CAPZA1: variants seen among roughly 807,000 people sequenced by gnomAD.
CAPZA1 encodes F-actin-capping protein subunit alpha-1.
CAPZA1 carries 10 observed loss-of-function variants against 40.8 expected under a neutral mutation model. The observed-to-expected ratio is 0.25, with a 90% CI of 0.15 to 0.42. CAPZA1 has a LOEUF of 0.42. Among genes scored for constraint, CAPZA1 ranks in the 10% least tolerant of loss-of-function variants. CAPZA1 has a pLI of 1.00. For missense variants in CAPZA1, 277 were observed against 353.8 expected, an observed-to-expected ratio of 0.78 and a Z score of 1.74; for synonymous variants, 98 against 115.0, an observed-to-expected ratio of 0.85 and a Z score of 0.95.
intron 1 of CAPZA1, among the ~76,000 whole-genome samples, chr1:112,642,818 G>A (rs570338577): frequency 4.6e-5 from 7 of 151,988 alleles, no homozygotes; most frequent in East Asian, 2.0e-4. Flanking sequence ...GTGGGACTTC[G>A]GGAATATTAG....
chr1:112,624,692 C>T (rs1380624256), intron 1 of CAPZA1, among the ~76,000 whole-genome samples: 3 of 149,032 alleles, frequency 2.0e-5, no homozygotes, highest in East Asian at 2.0e-4. Flanking sequence ...CTTTCCCTTT[C>T]GTGCTTCTAG....
chr1:112,632,534 C>G (rs1438300692), intron 1 of CAPZA1, among the ~76,000 whole-genome samples: 1 of 151,928 alleles, frequency 6.6e-6, no homozygotes, highest in African/African-American at 2.4e-5. Context: ...CTTGCTAAAA[C>G]TGGGCTAGGC....
intron 3 of CAPZA1, among the ~76,000 whole-genome samples, chr1:112,651,276 A>C (rs762488952): frequency 9.2e-5 from 14 of 152,214 alleles, no homozygotes; most frequent in Non-Finnish European, 1.9e-4. Flanking sequence ...ATTCTGACAG[A>C]GATAGGAAGT....
chr1:112,645,632 T>G (rs1671264132), intron 1 of CAPZA1, among the ~76,000 whole-genome samples: 1 of 151,506 alleles, frequency 6.6e-6, no homozygotes, highest in Non-Finnish European at 1.5e-5. Context: ...AGACCCTGTC[T>G]CTGAGAAAAA....
chr1:112,621,812 T>C (rs1203685390), intron 1 of CAPZA1, among the ~76,000 whole-genome samples: 1 of 140,032 alleles, frequency 7.1e-6, no homozygotes, highest in Non-Finnish European at 1.5e-5. Flanking sequence ...CCCGGGGTGG[T>C]GTGCAGTGGT....
intron 7 of CAPZA1, 70 bp from the exon 8 acceptor site, chr1:112,667,004 G>T: frequency 9.5e-7 from 1 of 1,049,126 alleles, no homozygotes; most frequent in Non-Finnish European, 1.4e-6. Flanking sequence ...TTAAAGCATG[G>T]ATTTGTGTCC....
At position 112,619,832 on chromosome 1, in the gene CAPZA1, A is replaced by G. The variant is rs371309950; in HGVS notation, c.-13A>G. ...CTCGCGCCCGTAGCCGGGCTGGGCC[A>G]GAACAGCCCAAGATGGCCGACTTCG... On this transcript the variant is annotated 5_prime_UTR_variant, in exon 1 of 10. Coordinates refer to ENST00000263168, the MANE Select transcript of CAPZA1 (RefSeq NM_006135.3). 2 of 1,611,842 alleles carry G rather than the reference A, an allele frequency of 1.2e-6. No individual in the cohort carries two copies. Among genetic ancestry groups the G allele is most frequent in the Non-Finnish European group, 8.5e-7 (1 of 1,178,778 alleles).
intron 1 of CAPZA1, among the ~76,000 whole-genome samples, chr1:112,632,107 C>T (rs1670929926): frequency 6.6e-6 from 1 of 152,148 alleles, no homozygotes; most frequent in Non-Finnish European, 1.5e-5. Context: ...GAGTTCAAGA[C>T]CAGCCTGGCC....
At position 112,670,126 on chromosome 1, in the gene CAPZA1, T is replaced by A; in HGVS notation, c.855T>A (p.Asn285Lys). The change falls in exon 10 of 10, where the codon AAT (asparagine) becomes AAA (lysine). Residue 285 changes from asparagine (N) to lysine (K), a missense_variant. Transcript: ENST00000263168. ...ACAAGATTGGCAAAGAAATGCAGAA[T>A]GCTTAAAGGCTGAATGTAGGATTCT... is the stretch of plus-strand genomic sequence containing the variant. ...LSYKIGKEMQ[N>K]A 6.2e-7 allele frequency: 1 copy of A among 1,613,966 alleles called. No homozygotes were observed. The highest frequency in any genetic ancestry group is 8.5e-7 in the Non-Finnish European group (1 of 1,179,840).
intron 5 of CAPZA1, among the ~76,000 whole-genome samples, chr1:112,656,971 G>C (rs1394571630): frequency 6.7e-6 from 1 of 149,088 alleles, no homozygotes; most frequent in African/African-American, 2.5e-5. Context: ...GTGTGGTCTC[G>C]GCTCACTGCA....
intron 5 of CAPZA1, 64 bp from the exon 6 acceptor site, chr1:112,658,958 C>A: frequency 1.7e-6 from 2 of 1,170,510 alleles, no homozygotes; most frequent in Non-Finnish European, 2.6e-6. Context: ...TGCTTTTGTA[C>A]AATGCATGTT....
intron 2 of CAPZA1, among the ~76,000 whole-genome samples, chr1:112,648,976 AG>A (rs1008295838): frequency 6.6e-6 from 1 of 151,840 alleles, no homozygotes; most frequent in Non-Finnish European, 1.5e-5. Flanking sequence ...AAAAAAAAAA[AG>A]GTGACTAGAC....
At chr1:112,662,976 T>G (rs910532319) in intron 7 of CAPZA1, among the ~76,000 whole-genome samples, 1 of 152,062 alleles carries the variant, frequency 6.6e-6, no homozygotes. Context: ...TGTTTTGTTT[T>G]GTTTTTTGAG....
rs1243829949 is a variant in CAPZA1, at chr1:112,667,127, G to A, written c.639G>A (p.Gln213=). Residue 213 remains glutamine (Q), a synonymous_variant, in exon 8 of 10, where the codon CAG becomes CAA. Coordinates refer to ENST00000263168, the MANE Select transcript of CAPZA1 (RefSeq NM_006135.3). The part of the protein sequence containing the change: ...NVQLVSHKDV[Q]DSLTVSNEAQ... Reference sequence around the variant, plus strand: ...AGTTGGTTAGTCATAAAGATGTACAGGATTCACTAACTGTTTCGGTGAGTA... The same window carrying A: ...AGTTGGTTAGTCATAAAGATGTACAAGATTCACTAACTGTTTCGGTGAGTA... 1 of 1,609,206 alleles carries A rather than the reference G, an allele frequency of 6.2e-7. No individual in the cohort carries two copies. Among genetic ancestry groups the A allele is most frequent in the Non-Finnish European group, 8.5e-7 (1 of 1,176,590 alleles).
At chr1:112,651,644 T>C (rs1671387586) in intron 3 of CAPZA1, among the ~76,000 whole-genome samples, 1 of 152,202 alleles carries the variant, frequency 6.6e-6, no homozygotes, top group East Asian at 1.9e-4. Context: ...GGTGTTGGTG[T>C]TGGTAATCTA....
rs1671800576 is a variant in CAPZA1, at chr1:112,670,147, A to T, written c.*15A>T. ...AGAATGCTTAAAGGCTGAATGTAGG[A>T]TTCTTCAGTATGTGGAAAGACAAGG... On this transcript the variant is annotated 3_prime_UTR_variant, in exon 10 of 10. Transcript: ENST00000263168. The T allele has an allele frequency of 1.2e-6, 2 of 1,613,398 alleles. No individual in the cohort carries two copies. Among genetic ancestry groups the T allele is most frequent in the Admixed American group, 3.3e-5 (2 of 59,982 alleles).
At chr1:112,658,144 A>C (rs990564521) in intron 5 of CAPZA1, among the ~76,000 whole-genome samples, 1 of 152,230 alleles carries the variant, frequency 6.6e-6, no homozygotes, top group Non-Finnish European at 1.5e-5. Context: ...AAGAAAATAC[A>C]TGTAAGAACA....
rs1224392140 is a variant in CAPZA1 at position 112,629,003 on chromosome 1, C to G, written c.39+9120C>G. Among the ~76,000 whole-genome samples, 4 of 152,318 alleles carry G rather than the reference C, an allele frequency of 2.6e-5. No individual in the cohort carries two copies. In the South Asian group the frequency reaches 8.3e-4, roughly 32 times the overall value. ...GGTTTCCCTGCTTCTGCTGTTGCTC[C>G]TGCCCAGCAGTCTGTCCTCGATGAA... is the stretch of plus-strand genomic sequence containing the variant. On this transcript the variant is annotated intron_variant, in intron 1 of 9. Transcript: ENST00000263168.
Position 112,670,345 on chromosome 1 carries a change from C to A in CAPZA1, c.*213C>A. On this transcript the variant is annotated 3_prime_UTR_variant, in exon 10 of 10. Transcript: ENST00000263168. ...TAATTTTCTGTTACTGCTATATCTA[C>A]GTGTAAATCTTTTTTTCTTTTTTTT... is the stretch of plus-strand genomic sequence containing the variant. 2 of 313,810 alleles carry A rather than the reference C, an allele frequency of 6.4e-6. No individual in the cohort carries two copies. Among genetic ancestry groups the A allele is most frequent in the Non-Finnish European group, 1.2e-5 (2 of 173,086 alleles). The allele number at this position is 313,810 out of a possible 1,614,324, so 19.4% of individuals were successfully genotyped here. A position where few individuals can be genotyped will look rare whatever the true frequency, so the allele number is the denominator to read the frequency against.
Sources: allele counts gnomAD v4.1 joint callset (sites outside exome capture counted in the v4.1 genomes callset), GRCh38; gene constraint gnomAD v4.1.1; transcripts MANE v1.5; gene names NCBI Gene and HGNC (gene_info 2026-07-23, HGNC 2026-07-21).